Variants in MIB2 observed in about 807,000 individuals in gnomAD.
The protein encoded by MIB2 is E3 ubiquitin-protein ligase MIB2.
In MIB2, 78 loss-of-function variants were observed where a neutral mutation model predicts 96.6. The observed-to-expected ratio is 0.81, with a 90% confidence interval of 0.67 to 0.97. The LOEUF (loss-of-function observed/expected upper bound fraction) is 0.97. Ranked by LOEUF, MIB2 falls within the 50% of genes least tolerant of loss-of-function variation. MIB2 has a pLI of 0.00. For synonymous variants in MIB2, 820 were observed against 629.5 expected (o/e 1.30, Z -4.53); for missense variants, 1,543 against 1,424.0 (o/e 1.08, Z -1.35).
chr1:1,619,669 C>T (rs1359211502), intron 2 of MIB2, among the ~76,000 whole-genome samples: 3 of 152,166 alleles, frequency 2.0e-5, no homozygotes, highest in Non-Finnish European at 2.9e-5. Context: ...ACATCCCAGC[C>T]CCCGGGGAGA....
At chr1:1,629,769 C>T in intron 19 of MIB2, 65 bp downstream of exon 19, 11 of 1,453,872 alleles carry the variant, frequency 7.6e-6, no homozygotes, top group African/African-American at 1.4e-5. Flanking sequence ...GTCCCCGTCC[C>T]CCACCCCTTC....
chr1:1,622,088 C>T (rs116259093), intron 2 of MIB2, among the ~76,000 whole-genome samples: 1,725 of 152,278 alleles, frequency 0.011, 27 homozygotes, highest in Non-Finnish European at 0.013. Flanking sequence ...TGGCCTGTGT[C>T]CTGGAGTTGG....
Position 1,626,760 on chromosome 1 carries a change from T to TCCCCCTGCCA in MIB2, c.1077+12_1077+21dup. On this transcript the variant is annotated splice_region_variant and intron_variant, in intron 9 of 19. Coordinates refer to ENST00000355826, the MANE Select transcript of MIB2 (RefSeq NM_001170687.4). This position sits in a 1 kb window ranked among gnomAD's most constrained non-coding sequence, Gnocchi z 5.3. ...GGACGGACGACATGGCCCCTGTGAG[T>TCCCCCTGCCA]CCCCCTGCCACCCCCGCCGCTAGCG... 2 of 1,555,412 alleles carry TCCCCCTGCCA rather than the reference T, an allele frequency of 1.3e-6. No individual in the cohort carries two copies. The highest frequency in any genetic ancestry group is 2.4e-5 in the South Asian group (2 of 84,882).
intron 2 of MIB2, 52 bp from the exon 3 acceptor site, chr1:1,623,379 C>T (rs749821813): frequency 6.3e-7 from 1 of 1,591,760 alleles, no homozygotes; most frequent in Non-Finnish European, 8.5e-7. Context: ...AGAATACCCT[C>T]TGCCCACAGG....
At chr1:1,630,079 C>T (rs1019031978) in intron 19 of MIB2, among the ~76,000 whole-genome samples, 1 of 149,512 alleles carries the variant, frequency 6.7e-6, no homozygotes, top group African/African-American at 2.5e-5. Context: ...GACTCCAGCC[C>T]GCACACCACC....
In MIB2 at chr1:1,626,654, A is replaced by G; in HGVS notation, c.977A>G (p.His326Arg). The G allele has an allele frequency of 6.4e-7, 1 of 1,560,162 alleles. No individual in the cohort carries two copies. Among genetic ancestry groups the G allele is most frequent in the Non-Finnish European group, 8.6e-7 (1 of 1,156,172 alleles). ...TFHPGALTKHHSFWVGDVVRV... is the reference protein window; with the variant it reads ...TFHPGALTKHRSFWVGDVVRV... ...ACGCCCCTCTTTGTCGCTCAGCACC[A>G]CTCCTTCTGGGTGGGCGACGTGGTC... Residue 326 changes from histidine to arginine, a missense_variant, in exon 9 of 20, where the codon CAC becomes CGC. Physicochemically the swap from His to Arg is conservative, Grantham distance 29 (BLOSUM62 0). Coordinates refer to ENST00000355826, the MANE Select transcript of MIB2 (RefSeq NM_001170687.4). This position sits in a 1 kb window ranked among gnomAD's most constrained non-coding sequence, Gnocchi z 5.3.
chr1:1,626,072 C>A lies in MIB2; in HGVS notation c.972+419C>A. 5.3e-6 allele frequency: 1 copy of A among 187,944 alleles called. No homozygotes were observed. The highest frequency in any genetic ancestry group is 1.0e-5 in the Non-Finnish European group (1 of 95,880). The allele number at this position is 187,944 out of a possible 1,614,324, so 11.6% of individuals were successfully genotyped here. A position where few individuals can be genotyped will look rare whatever the true frequency, so the allele number is the denominator to read the frequency against. On this transcript the variant is annotated intron_variant, in intron 8 of 19. Transcript: ENST00000355826. The surrounding 1 kb of genome is among the most constrained non-coding windows in gnomAD (Gnocchi z 5.3). Reference sequence around the variant, plus strand: ...GAGGTAGTGAGGGCTGCCTGGGAAGCAGGATGGCAGGGAGGGGGCTGGAGG... The same window carrying A: ...GAGGTAGTGAGGGCTGCCTGGGAAGAAGGATGGCAGGGAGGGGGCTGGAGG...
In MIB2 at chr1:1,628,415, A is replaced by G; in HGVS notation, c.1968+16A>G. 2.5e-6 allele frequency: 4 copies of G among 1,608,222 alleles called. No homozygotes were observed. The highest frequency in any genetic ancestry group is 2.5e-6 in the Non-Finnish European group (3 of 1,178,384). ...CATCCGGGAGGTGCGGACGCGGCCC[A>G]GTCCTGCCCAAGGACCGGGGAGCGG... is the stretch of plus-strand genomic sequence containing the variant. On this transcript the variant is annotated intron_variant, in intron 15 of 19. Coordinates refer to ENST00000355826, the MANE Select transcript of MIB2 (RefSeq NM_001170687.4).
chr1:1,629,345 GGCCTCCGGGCCCCTCTCAAGCC>G lies in MIB2; in HGVS notation c.2382-33_2382-12del. ...GTGGACGGCGGGGATGGGGTCCGGC[GGCCTCCGGGCCCCTCTCAAGCC>G]GCCTCCTCCCCCTGCAGGGAGCGGC... On this transcript the variant is annotated intron_variant, in intron 17 of 19. Transcript: ENST00000355826. 1 of 1,441,526 alleles carries G rather than the reference GGCCTCCGGGCCCCTCTCAAGCC, an allele frequency of 6.9e-7. No homozygotes were observed. Among genetic ancestry groups the G allele is most frequent in the Non-Finnish European group, 9.0e-7 (1 of 1,110,658 alleles). The allele number at this position is 1,441,526 out of a possible 1,614,324, so 89.3% of individuals were successfully genotyped here. A position where few individuals can be genotyped will look rare whatever the true frequency, so the allele number is the denominator to read the frequency against.
chr1:1,626,398 C>T lies in MIB2; in HGVS notation c.973-252C>T, dbSNP rs904291919. 1.5e-5 allele frequency: 8 copies of T among 518,152 alleles called. No homozygotes were observed. Among genetic ancestry groups the T allele is most frequent in the East Asian group, 3.1e-5 (1 of 31,964 alleles). 32.1% of individuals were successfully genotyped at this position (518,152 alleles called of 1,614,324 possible). Reference sequence around the variant, plus strand: ...AGGGCCAGCCACCTCGGCTTCACACCTGCCCAGAGCTGGCTTCTGTCTGCC... The same window carrying T: ...AGGGCCAGCCACCTCGGCTTCACACTTGCCCAGAGCTGGCTTCTGTCTGCC... On this transcript the variant is annotated intron_variant, in intron 8 of 19. Transcript: ENST00000355826. This position sits in a 1 kb window ranked among gnomAD's most constrained non-coding sequence, Gnocchi z 5.3.
intron 13 of MIB2, 67 bp downstream of exon 13, chr1:1,627,896 C>T: frequency 2.5e-6 from 4 of 1,595,212 alleles, no homozygotes; most frequent in Non-Finnish European, 3.4e-6. Flanking sequence ...TGGGTTCCCT[C>T]TGCCCATGTG....
At chr1:1,615,126 G>T, upstream of MIB2, 1 of 347,848 alleles carries the variant, frequency 2.9e-6, no homozygotes, top group Non-Finnish European at 5.2e-6. Flanking sequence ...ACTCTGGGGT[G>T]CAGAACCCGG....
Position 1,629,283 on chromosome 1 carries a change from G to A in MIB2, c.2353G>A (p.Ala785Thr), listed in dbSNP as rs1212907682. 6.5e-7 allele frequency: 1 copy of A among 1,527,630 alleles called. No individual in the cohort carries two copies. The highest frequency in any genetic ancestry group is 8.7e-7 in the Non-Finnish European group (1 of 1,151,454). 94.6% of individuals were successfully genotyped at this position (1,527,630 alleles called of 1,614,324 possible). A position where few individuals can be genotyped will look rare whatever the true frequency, so the allele number is the denominator to read the frequency against. Residue 785 changes from alanine to threonine, a missense_variant, in exon 17 of 20, where the codon GCC becomes ACC. By Grantham distance (58) the Ala-to-Thr change is moderately conservative. Transcript: ENST00000355826. The part of the protein sequence containing the change: ...DLAAEGRVLK[A>T]LQGCAQRFRE... ...GGCCGCCGAGGGTCGCGTGCTCAAGGCCCTTCAGGGCTGCGCCCAGCGCTT... is the reference window on the plus strand; with the variant it reads ...GGCCGCCGAGGGTCGCGTGCTCAAGACCCTTCAGGGCTGCGCCCAGCGCTT...
At chr1:1,623,157 C>G (rs565994468) in intron 2 of MIB2, 8 of 522,410 alleles carry the variant, frequency 1.5e-5, no homozygotes, top group African/African-American at 1.2e-4. Flanking sequence ...TTTCATGAAG[C>G]CCCCGGGGCC....
chr1:1,615,861 C>T (rs1348390431), intron 1 of MIB2: 6 of 1,168,594 alleles, frequency 5.1e-6, no homozygotes, highest in Non-Finnish European at 6.3e-6. Flanking sequence ...CTCCAGCTCC[C>T]GGCAGGCCTC....
chr1:1,626,947 G>T lies in MIB2; in HGVS notation c.1188G>T (p.Arg396=), dbSNP rs755767987. ...GCCCCTCCTGCCTGGTGGCCTACCGGCCCGAGGAGGATGCCAACCTGGACG... is the reference window on the plus strand; with the variant it reads ...GCCCCTCCTGCCTGGTGGCCTACCGTCCCGAGGAGGATGCCAACCTGGACG... ...TFSPSCLVAY[R]PEEDANLDVA... is the part of the protein sequence containing the mutation. The change falls in exon 10 of 20, where the codon CGG becomes CGT. Residue 396 remains arginine, a synonymous_variant. Coordinates refer to ENST00000355826, the MANE Select transcript of MIB2 (RefSeq NM_001170687.4). The surrounding 1 kb of genome is among the most constrained non-coding windows in gnomAD (Gnocchi z 5.3). The T allele has an allele frequency of 6.2e-7, 1 of 1,611,088 alleles. No homozygotes were observed. Among genetic ancestry groups the T allele is most frequent in the East Asian group, 2.2e-5 (1 of 44,834 alleles).
chr1:1,627,889 G>A, intron 13 of MIB2, 60 bp downstream of exon 13: 2 of 1,592,786 alleles, frequency 1.3e-6, no homozygotes, highest in South Asian at 1.1e-5. Flanking sequence ...CCTGGCCTGG[G>A]TTCCCTCTGC....
intron 16 of MIB2, 103 bp downstream of exon 16, chr1:1,628,825 C>G (rs1359648598): frequency 1.4e-5 from 15 of 1,041,126 alleles, no homozygotes; most frequent in Admixed American, 1.2e-4. Context: ...CAGTGATGGC[C>G]CAGGGAGCCA....
Position 1,623,758 on chromosome 1 carries a change from C to T in MIB2, c.248-16C>T. The T allele has an allele frequency of 5.1e-6, 8 of 1,576,694 alleles. No homozygotes were observed. Among genetic ancestry groups the T allele is most frequent in the Non-Finnish European group, 6.9e-6 (8 of 1,162,910 alleles). ...CCGGGGGCGGGAACGCCCCTCTGAC[C>T]CCACCCCACCCCCAGGCGTCCGGCA... On this transcript the variant is annotated splice_polypyrimidine_tract_variant and intron_variant, in intron 3 of 19. Transcript: ENST00000355826.
Sources: allele counts gnomAD v4.1 joint callset (sites outside exome capture counted in the v4.1 genomes callset), GRCh38; gene constraint gnomAD v4.1.1; non-coding constraint Gnocchi (gnomAD v3.1); transcripts MANE v1.5; gene names NCBI Gene and HGNC (gene_info 2026-07-23, HGNC 2026-07-21).